Variants in ARID1A observed in about 807,000 individuals in gnomAD.
ARID1A encodes AT-rich interactive domain-containing protein 1A.
In ARID1A, 20 loss-of-function variants were observed where a neutral mutation model predicts 212.6. That is an observed-to-expected ratio of 0.09 (90% CI 0.07 to 0.14). The LOEUF (loss-of-function observed/expected upper bound fraction) is 0.14. ARID1A is among the 10% of genes least tolerant of loss of function. ARID1A has a pLI of 1.00. For missense variants in ARID1A, 2,587 were observed against 3,059.0 expected, an observed-to-expected ratio of 0.85 and a Z score of 3.64; for synonymous variants, 1,376 against 1,222.1, an observed-to-expected ratio of 1.13 and a Z score of -2.63.
chr1:26,736,406 G>GATC (rs1321938194), intron 4 of ARID1A, among the ~76,000 whole-genome samples: 1 of 151,622 alleles, frequency 6.6e-6, no homozygotes, highest in East Asian at 1.9e-4. Flanking sequence ...GAGGCTGGCG[G>GATC]ATCACAAGGT....
intron 4 of ARID1A, among the ~76,000 whole-genome samples, chr1:26,744,124 C>G (rs533884636): frequency 6.6e-6 from 1 of 152,276 alleles, no homozygotes; most frequent in Admixed American, 6.5e-5. Flanking sequence ...CAGCATGTAC[C>G]CTGTGCATGT....
intron 10 of ARID1A, 79 bp downstream of exon 10, chr1:26,766,645 G>A: frequency 7.2e-7 from 1 of 1,390,130 alleles, no homozygotes; most frequent in East Asian, 2.5e-5. Context: ...AAAAGAGAGT[G>A]ACAAGATCCC....
chr1:26,775,778 A>C (rs768364651), intron 19 of ARID1A, 71 bp downstream of exon 19: 175 of 1,594,678 alleles, frequency 1.1e-4, no homozygotes, highest in Non-Finnish European at 1.4e-4. Context: ...GGAATGTCTC[A>C]TCTTTAGCCA....
At chr1:26,727,250 C>T (rs895721162) in intron 1 of ARID1A, among the ~76,000 whole-genome samples, 9 of 152,176 alleles carry the variant, frequency 5.9e-5, no homozygotes, top group African/African-American at 2.2e-4. Flanking sequence ...CTACACTACC[C>T]TCTATGTAAT....
chr1:26,763,253 C>T lies in ARID1A; in HGVS notation c.2700C>T (p.Ala900=), dbSNP rs2124070455. ...GGAAAACCCAAGAAACTGCTGTCGC[C>T]ATGCATGTTGCTGCCAACTCTATCC... The part of the protein sequence containing the change: ...MNRKTQETAV[A]MHVAANSIQN... Residue 900 remains alanine (A), a synonymous_variant, in exon 8 of 20, where the codon GCC becomes GCT. Transcript: ENST00000324856. The T allele has an allele frequency of 1.2e-6, 2 of 1,611,124 alleles. No homozygotes were observed. Among genetic ancestry groups the T allele is most frequent in the Non-Finnish European group, 1.7e-6 (2 of 1,177,850 alleles).
At chr1:26,776,996 C>CA (rs1454600556) in intron 19 of ARID1A, among the ~76,000 whole-genome samples, 1 of 152,186 alleles carries the variant, frequency 6.6e-6, no homozygotes, top group Non-Finnish European at 1.5e-5. Context: ...AGGTATTTGA[C>CA]ATCTCCCATT....
intron 4 of ARID1A, among the ~76,000 whole-genome samples, chr1:26,746,478 A>T (rs2080836140): frequency 6.6e-6 from 1 of 152,196 alleles, no homozygotes; most frequent in African/African-American, 2.4e-5. Flanking sequence ...TTGAACAGAA[A>T]ATGAGCCAAG....
At position 26,726,905 on chromosome 1, in the gene ARID1A, T is replaced by C. The variant is rs1028137046; in HGVS notation, c.1138-2746T>C. On this transcript the variant is annotated intron_variant, in intron 1 of 19. Transcript: ENST00000324856. ...TAGAGATCAAAGTGTACTGAAGATATGGGAAGTGGCTTCATTTTGAAAGGT... is the reference window on the plus strand; with the variant it reads ...TAGAGATCAAAGTGTACTGAAGATACGGGAAGTGGCTTCATTTTGAAAGGT... Among the ~76,000 whole-genome samples, 7 of 152,336 alleles carry C rather than the reference T, an allele frequency of 4.6e-5. 1 individual carries two copies. In the East Asian group the frequency reaches 5.8e-4, roughly 13 times the overall value.
chr1:26,776,564 C>T (rs2081138443), intron 19 of ARID1A, among the ~76,000 whole-genome samples: 3 of 152,188 alleles, frequency 2.0e-5, no homozygotes, highest in South Asian at 2.1e-4. Context: ...TGAGCAACCG[C>T]GCCCGGCCCT....
intron 4 of ARID1A, among the ~76,000 whole-genome samples, chr1:26,752,660 C>T (rs185657861): frequency 1.3e-5 from 2 of 152,208 alleles, no homozygotes; most frequent in African/African-American, 4.8e-5. Flanking sequence ...TTCCCAGTCT[C>T]TTCTGTGTTC....
rs2081108453 is a variant in ARID1A at position 26,773,842 on chromosome 1, C to T, written c.4045C>T (p.Pro1349Ser). The T allele has an allele frequency of 6.2e-7, 1 of 1,614,222 alleles. No homozygotes were observed. The highest frequency in any genetic ancestry group is 1.7e-5 in the Admixed American group (1 of 60,028). The change falls in exon 17 of 20, where the codon CCT (proline) becomes TCT (serine). Residue 1349 changes from proline to serine, a missense_variant. This residue lies in a region of ARID1A where 890 missense variants were observed against 1,098.2 expected (regional missense o/e 0.81). Transcript: ENST00000324856. ...CAATCAGTTCTCCACCCAAGGCACC[C>T]CTTCTGGCAGCCCCTTCCCCAGCCA... ...YGNQFSTQGT[P>S]SGSPFPSQQT... is the part of the protein sequence containing the mutation.
At chr1:26,731,973 G>C (rs1236929605) in intron 3 of ARID1A, among the ~76,000 whole-genome samples, 1 of 152,070 alleles carries the variant, frequency 6.6e-6, no homozygotes, top group African/African-American at 2.4e-5. Context: ...CACTTTGAGA[G>C]GCAGTACTGT....
chr1:26,772,719 C>T (rs1015066383), intron 13 of ARID1A, 87 bp downstream of exon 13: 12 of 1,607,104 alleles, frequency 7.5e-6, no homozygotes, highest in South Asian at 1.1e-5. Context: ...TGGTCCTTGC[C>T]TCTGCCTTCC....
intron 4 of ARID1A, among the ~76,000 whole-genome samples, chr1:26,740,092 G>A (rs754591120): frequency 6.6e-6 from 1 of 152,060 alleles, no homozygotes; most frequent in East Asian, 1.9e-4. Flanking sequence ...TGACATACAA[G>A]TAAGTTTTTT....
chr1:26,734,832 A>C (rs1475954927), intron 4 of ARID1A, among the ~76,000 whole-genome samples: 1 of 152,208 alleles, frequency 6.6e-6, no homozygotes, highest in Non-Finnish European at 1.5e-5. Flanking sequence ...GCATTGCTTC[A>C]CTAAACAAAT....
In ARID1A at chr1:26,696,293, C is replaced by T. The variant is rs930091563; in HGVS notation, c.-111C>T. ...CAGCAGCGGAGCCCCGCGAGGCCCGCCCGGGCGGGTGGGGAGGGCAGCCCG... is the reference window on the plus strand; with the variant it reads ...CAGCAGCGGAGCCCCGCGAGGCCCGTCCGGGCGGGTGGGGAGGGCAGCCCG... On this transcript the variant is annotated 5_prime_UTR_variant, in exon 1 of 20. Coordinates refer to ENST00000324856, the MANE Select transcript of ARID1A (RefSeq NM_006015.6). The T allele has an allele frequency of 6.0e-6, 7 of 1,172,402 alleles. No individual in the cohort carries two copies. In the African/African-American group the frequency reaches 1.2e-4, roughly 19 times the overall value. 72.6% of individuals were successfully genotyped at this position (1,172,402 alleles called of 1,614,324 possible).
At chr1:26,777,168 G>A (rs951362149) in intron 19 of ARID1A, among the ~76,000 whole-genome samples, 3 of 152,130 alleles carry the variant, frequency 2.0e-5, no homozygotes, top group South Asian at 2.1e-4. Context: ...GGGCTCAAGC[G>A]ATCCTCTTGC....
chr1:26,772,480 A>G lies in ARID1A; in HGVS notation c.3407-20A>G. On this transcript the variant is annotated intron_variant, in intron 12 of 19. Coordinates refer to ENST00000324856, the MANE Select transcript of ARID1A (RefSeq NM_006015.6). The stretch of plus-strand genomic sequence containing the variant: ...ACTGTCATGCCAAGCAAACTACTCA[A>G]CTTGTATCTCTGTCCACAGCGGGAT... 3 of 1,614,132 alleles carry G rather than the reference A, an allele frequency of 1.9e-6. No individual in the cohort carries two copies. Among genetic ancestry groups the G allele is most frequent in the South Asian group, 2.2e-5 (2 of 91,076 alleles).
Position 26,696,409 on chromosome 1 carries a change from C to A in ARID1A, c.6C>A (p.Ala2=). The A allele has an allele frequency of 7.8e-7, 1 of 1,284,110 alleles. No individual in the cohort carries two copies. The highest frequency in any genetic ancestry group is 3.2e-5 in the East Asian group (1 of 30,798). The allele number at this position is 1,284,110 out of a possible 1,614,324, so 79.5% of individuals were successfully genotyped here. A position where few individuals can be genotyped will look rare whatever the true frequency, so the allele number is the denominator to read the frequency against. The change falls in exon 1 of 20, where the codon GCC becomes GCA. Residue 2 remains alanine, a synonymous_variant. Transcript: ENST00000324856. M[A]AQVAPAAASS... Reference sequence around the variant, plus strand: ...CGGACGAGACAGCGGGGATCATGGCCGCGCAGGTCGCCCCCGCCGCCGCCA... The same window carrying A: ...CGGACGAGACAGCGGGGATCATGGCAGCGCAGGTCGCCCCCGCCGCCGCCA...
Sources: allele counts gnomAD v4.1 joint callset (sites outside exome capture counted in the v4.1 genomes callset), GRCh38; gene constraint gnomAD v4.1.1; regional missense constraint gnomAD v4.1.1; transcripts MANE v1.5; gene names NCBI Gene and HGNC (gene_info 2026-07-23, HGNC 2026-07-21).